The following MGLL variants were observed in gnomAD, a reference collection of about 807,000 sequenced individuals.
The protein encoded by MGLL is lysophospholipase homolog.
A neutral mutation model predicts 29.1 loss-of-function variants in MGLL; 7 were observed. The ratio of observed to expected loss-of-function variants is 0.24; its 90% CI spans 0.14 to 0.45. The LOEUF (loss-of-function observed/expected upper bound fraction) is 0.45, where lower values mean the gene tolerates loss of function less well. Ranked by LOEUF, MGLL falls within the 20% of genes least tolerant of loss-of-function variation. The probability of loss-of-function intolerance (pLI) is 0.99; values close to 1 mark genes in which losing one functional copy is unlikely to be tolerated. For synonymous variants in MGLL, 148 were observed against 168.3 expected, an observed-to-expected ratio of 0.88 and a Z score of 0.93; for missense variants, 356 against 413.6, an observed-to-expected ratio of 0.86 and a Z score of 1.21.
chr3:127,692,027 G>T lies in MGLL; in HGVS notation c.*171C>A. 1.2e-6 allele frequency: 1 copy of T among 865,328 alleles called. No individual in the cohort carries two copies. The highest frequency in any genetic ancestry group is 1.7e-6 in the Non-Finnish European group (1 of 575,338). The allele number at this position is 865,328 out of a possible 1,614,324, so 53.6% of individuals were successfully genotyped here. ...ATTAAGGTAGGTCCAGTGTCTGATA[G>T]TCTAATGTATAACAAAAATGTCTGT... On this transcript the variant is annotated 3_prime_UTR_variant, in exon 8 of 8. Transcript: ENST00000265052.
chr3:127,764,480 G>A (rs570501958), intron 3 of MGLL, among the ~76,000 whole-genome samples: 44 of 152,244 alleles, frequency 2.9e-4, no homozygotes, highest in Middle Eastern at 3.4e-3. Context: ...GGAGAGGCCC[G>A]GGCCACAGTT....
intron 3 of MGLL, among the ~76,000 whole-genome samples, chr3:127,752,291 G>T (rs1170106564): frequency 6.6e-6 from 1 of 152,104 alleles, no homozygotes; most frequent in Non-Finnish European, 1.5e-5. Context: ...TAGAGATGGG[G>T]TTTCACCATG....
intron 2 of MGLL, among the ~76,000 whole-genome samples, chr3:127,790,290 C>T (rs1411214097): frequency 2.0e-5 from 3 of 152,232 alleles, no homozygotes; most frequent in Non-Finnish European, 4.4e-5. Context: ...TCGGAGCACT[C>T]AACCCACATG....
At position 127,784,327 on chromosome 3, in the gene MGLL, G is replaced by A. The variant is rs80223854; in HGVS notation, c.156-2432C>T. On this transcript the variant is annotated intron_variant, in intron 2 of 7. Coordinates refer to ENST00000265052, the MANE Select transcript of MGLL (RefSeq NM_007283.7). ...TCTGAGGTTAGAAAAGCTCCCCAGT[G>A]GCTCCGATGTACAGCCAAGGTGGAG... 5.8e-3 allele frequency among the ~76,000 whole-genome samples: 888 copies of A among 152,280 alleles called. 10 individuals carry two copies. The highest frequency in any genetic ancestry group is 0.02 in the African/African-American group (844 of 41,536).
In MGLL at chr3:127,710,602, T is replaced by C; in HGVS notation, c.574A>G (p.Ser192Gly). The C allele has an allele frequency of 6.4e-7, 1 of 1,569,492 alleles. No homozygotes were observed. The highest frequency in any genetic ancestry group is 1.2e-5 in the South Asian group (1 of 85,318). The change falls in exon 6 of 8, where the codon AGC (serine) becomes GGC (glycine). Residue 192 changes from serine (S) to glycine (G), a missense_variant. Ser to Gly is a moderately conservative substitution (Grantham distance 56). Coordinates refer to ENST00000265052, the MANE Select transcript of MGLL (RefSeq NM_007283.7). The part of the protein sequence containing the change: ...PNLSLGPIDS[S>G]VLSRNKTEVD... Reference sequence around the variant, plus strand: ...TCTGTCTTATTCCGAGAGAGCACGCTGGAGTCGATGGGCCCGAGGGACAAG... The same window carrying C: ...TCTGTCTTATTCCGAGAGAGCACGCCGGAGTCGATGGGCCCGAGGGACAAG...
chr3:127,815,334 G>A (rs1009598892), intron 2 of MGLL, among the ~76,000 whole-genome samples: 1 of 152,184 alleles, frequency 6.6e-6, no homozygotes, highest in Non-Finnish European at 1.5e-5. Context: ...TGTGTGCTGT[G>A]AAGGAGAATC....
At chr3:127,730,483 T>C (rs780469334) in intron 3 of MGLL, among the ~76,000 whole-genome samples, 59 of 152,280 alleles carry the variant, frequency 3.9e-4, no homozygotes, top group Admixed American at 7.8e-4. Context: ...AGCCTCTCCT[T>C]GAGGTCCTCA....
chr3:127,819,720 T>C (rs752074894), intron 2 of MGLL, among the ~76,000 whole-genome samples: 2 of 152,070 alleles, frequency 1.3e-5, no homozygotes, highest in South Asian at 2.1e-4. Flanking sequence ...ATACTTATTA[T>C]AATGATGCTG....
intron 2 of MGLL, among the ~76,000 whole-genome samples, chr3:127,784,211 C>A (rs1247295897): frequency 6.6e-6 from 1 of 152,230 alleles, no homozygotes; most frequent in African/African-American, 2.4e-5. Flanking sequence ...CAGAGGTTCT[C>A]AACTTTGGCC....
intron 7 of MGLL, 45 bp downstream of exon 7, chr3:127,694,930 C>A (rs749703815): frequency 3.8e-6 from 6 of 1,589,314 alleles, no homozygotes; most frequent in Non-Finnish European, 5.2e-6. Flanking sequence ...GCCTTCCTGT[C>A]CCCCCTCCAC....
intron 3 of MGLL, among the ~76,000 whole-genome samples, chr3:127,772,411 C>G (rs1057463288): frequency 4.6e-5 from 7 of 152,206 alleles, no homozygotes; most frequent in African/African-American, 1.7e-4. Context: ...GCCAAGGCCA[C>G]ACAGCAAATT....
rs1576504106 is a variant in MGLL at position 127,722,681 on chromosome 3, T to C, written c.263-115A>G. Reference sequence around the variant, plus strand: ...CTCCTGAGCGCCTGAATGTGTCACCTCATTTAACCCTTTCCAGCCACTCTT... The same window carrying C: ...CTCCTGAGCGCCTGAATGTGTCACCCCATTTAACCCTTTCCAGCCACTCTT... On this transcript the variant is annotated intron_variant, in intron 3 of 7. Coordinates refer to ENST00000265052, the MANE Select transcript of MGLL (RefSeq NM_007283.7). The C allele has an allele frequency of 4.3e-6, 6 of 1,394,402 alleles. No homozygotes were observed. In the East Asian group the frequency reaches 1.5e-4, roughly 34 times the overall value. 86.4% of individuals were successfully genotyped at this position (1,394,402 alleles called of 1,614,324 possible).
intron 2 of MGLL, among the ~76,000 whole-genome samples, chr3:127,817,355 C>G (rs2077775696): frequency 6.6e-6 from 1 of 152,178 alleles, no homozygotes; most frequent in Non-Finnish European, 1.5e-5. Flanking sequence ...CCAGTTCCTT[C>G]AATACACCAG....
At chr3:127,762,661 C>T (rs1176235250) in intron 3 of MGLL, among the ~76,000 whole-genome samples, 1 of 152,176 alleles carries the variant, frequency 6.6e-6, no homozygotes, top group African/African-American at 2.4e-5. Context: ...GGGGCAGAGG[C>T]TTCGTTGCAG....
chr3:127,797,154 C>G (rs771870842), intron 2 of MGLL, among the ~76,000 whole-genome samples: 2 of 152,124 alleles, frequency 1.3e-5, no homozygotes, highest in Non-Finnish European at 2.9e-5. Context: ...ATGACTGTCA[C>G]TGTTGGCTGT....
intron 2 of MGLL, among the ~76,000 whole-genome samples, chr3:127,784,460 C>A (rs17203666): frequency 2.0e-5 from 3 of 152,054 alleles, no homozygotes; most frequent in Non-Finnish European, 4.4e-5. Flanking sequence ...CTTAGAGCAA[C>A]CTTAGGGCCA....
At chr3:127,726,119 G>A (rs534794741) in intron 3 of MGLL, among the ~76,000 whole-genome samples, 3 of 75,064 alleles carry the variant, frequency 4.0e-5, no homozygotes, top group African/African-American at 1.5e-4. Flanking sequence ...AAAGAAAGCA[G>A]GAAAGAAAGA....
chr3:127,796,435 A>C (rs2077382207), intron 2 of MGLL, among the ~76,000 whole-genome samples: 1 of 152,200 alleles, frequency 6.6e-6, no homozygotes, highest in Non-Finnish European at 1.5e-5. Context: ...TTTCATATTT[A>C]GCTTGGACTG....
upstream of MGLL, chr3:127,823,016 C>CCCCAGTG (rs1281240701): frequency 2.0e-5 from 3 of 152,190 alleles, no homozygotes; most frequent in Admixed American, 6.5e-5. Flanking sequence ...GTGTCCGGGA[C>CCCCAGTG]CCCAGTGCTG....
Sources: allele counts gnomAD v4.1 joint callset (sites outside exome capture counted in the v4.1 genomes callset), GRCh38; gene constraint gnomAD v4.1.1; transcripts MANE v1.5; gene names NCBI Gene and HGNC (gene_info 2026-07-23, HGNC 2026-07-21).